Variants in SORCS1 observed in about 807,000 individuals in gnomAD.
The protein encoded by SORCS1 is sortilin related VPS10 domain containing receptor 1, also known as VPS10 domain-containing receptor SorCS1.
A neutral mutation model predicts 146.1 loss-of-function variants in SORCS1; 60 were observed. The ratio of observed to expected loss-of-function variants is 0.41; its 90% CI spans 0.33 to 0.51. The LOEUF (loss-of-function observed/expected upper bound fraction) is 0.51. Among genes scored for constraint, SORCS1 ranks in the 20% least tolerant of loss-of-function variants. The probability of loss-of-function intolerance (pLI) is 0.21; values close to 1 mark genes in which losing one functional copy is unlikely to be tolerated. For synonymous variants in SORCS1, 637 were observed against 584.0 expected (o/e 1.09, Z -1.31); for missense variants, 1,352 against 1,487.6 (o/e 0.91, Z 1.50).
At chr10:106,808,724 C>G (rs910074463) in intron 3 of SORCS1, among the ~76,000 whole-genome samples, 2 of 152,130 alleles carry the variant, frequency 1.3e-5, no homozygotes, top group East Asian at 1.9e-4. Context: ...GGATGTTCTC[C>G]ACCTCCTGAC....
chr10:106,979,914 A>G (rs780008589), intron 1 of SORCS1, among the ~76,000 whole-genome samples: 76 of 152,244 alleles, frequency 5.0e-4, no homozygotes, highest in Non-Finnish European at 9.3e-4. Context: ...TTACGATGAT[A>G]ATCAAGTGAA....
At chr10:106,638,332 T>A (rs1480556170) in intron 18 of SORCS1, among the ~76,000 whole-genome samples, 6 of 152,112 alleles carry the variant, frequency 3.9e-5, no homozygotes, top group African/African-American at 1.4e-4. Flanking sequence ...TAAATCTCTA[T>A]AGAACCAGGT....
chr10:107,163,522 AT>A lies in SORCS1; in HGVS notation c.558+446del, dbSNP rs143787676. On this transcript the variant is annotated intron_variant, in intron 1 of 25. Coordinates refer to ENST00000263054, the MANE Select transcript of SORCS1 (RefSeq NM_052918.5). ...CCGCATGAAATTAAAATAAAATAAA[AT>A]AAAACGCCTACATATATGGGTCTTC... is the stretch of plus-strand genomic sequence containing the variant. Among the ~76,000 whole-genome samples the A allele has an allele frequency of 6.3e-3, 957 of 152,320 alleles. 6 individuals carry two copies. Among genetic ancestry groups the A allele is most frequent in the African/African-American group, 0.017 (691 of 41,580 alleles).
chr10:106,821,670 C>T (rs12247648), intron 3 of SORCS1, among the ~76,000 whole-genome samples: 4,170 of 152,128 alleles, frequency 0.027, 135 homozygotes, highest in East Asian at 0.12. Flanking sequence ...GCCTGTAATC[C>T]CAGCACTTTG....
At chr10:106,826,392 G>A (rs899988345) in intron 3 of SORCS1, among the ~76,000 whole-genome samples, 1 of 152,246 alleles carries the variant, frequency 6.6e-6, no homozygotes, top group Non-Finnish European at 1.5e-5. Flanking sequence ...CTTTTCACTG[G>A]AGGATAGCTT....
intron 2 of SORCS1, among the ~76,000 whole-genome samples, chr10:106,849,838 C>T (rs1428611718): frequency 6.6e-6 from 1 of 151,890 alleles, no homozygotes; most frequent in African/African-American, 2.4e-5. Flanking sequence ...TGTTAGAATA[C>T]CCTGCCCTGT....
the SORCS1 span, among the ~76,000 whole-genome samples, chr10:107,172,908 A>G: frequency 6.6e-6 from 1 of 152,242 alleles, no homozygotes; most frequent in Admixed American, 6.5e-5. Context: ...GCCCGGTAAC[A>G]TTGACAATGT....
At chr10:106,697,496 T>G (rs1390301435) in intron 9 of SORCS1, among the ~76,000 whole-genome samples, 1 of 151,924 alleles carries the variant, frequency 6.6e-6, no homozygotes, top group African/African-American at 2.4e-5. Context: ...CTACTTGGTA[T>G]AAAGAATGTC....
intron 2 of SORCS1, among the ~76,000 whole-genome samples, chr10:106,914,756 G>A (rs539805939): frequency 6.6e-6 from 1 of 152,264 alleles, no homozygotes; most frequent in South Asian, 2.1e-4. Context: ...GGACTTATAC[G>A]AATGACTAGC....
Position 107,054,956 on chromosome 10 carries a change from T to C in SORCS1, c.559-98376A>G, listed in dbSNP as rs967010391. On this transcript the variant is annotated intron_variant, in intron 1 of 25. Coordinates refer to ENST00000263054, the MANE Select transcript of SORCS1 (RefSeq NM_052918.5). ...ATGCCTAATAAGTGTTGGCCACTCT[T>C]ATTAGAACTTAGAAGAGCCCATCAG... is the stretch of plus-strand genomic sequence containing the variant. Among the ~76,000 whole-genome samples the C allele has an allele frequency of 2.9e-4, 44 of 152,272 alleles. 2 individuals are homozygous for C. Among genetic ancestry groups the C allele is most frequent in the African/African-American group, 1.1e-3 (44 of 41,560 alleles).
chr10:106,699,401 A>G lies in SORCS1; in HGVS notation c.1234-8T>C, dbSNP rs1235753612. On this transcript the variant is annotated splice_region_variant and splice_polypyrimidine_tract_variant and intron_variant, in intron 8 of 25. Coordinates refer to ENST00000263054, the MANE Select transcript of SORCS1 (RefSeq NM_052918.5). ...GCTGATAACATGCATGTCCTGTGAAAAGACACAAGGTCGTGAAGAGGGAAA... is the reference window on the plus strand; with the variant it reads ...GCTGATAACATGCATGTCCTGTGAAGAGACACAAGGTCGTGAAGAGGGAAA... 1.9e-6 allele frequency: 3 copies of G among 1,605,178 alleles called. No individual in the cohort carries two copies. The East Asian group carries it at 6.7e-5, about 36-fold the overall frequency.
chr10:106,937,809 C>T (rs1274022083), intron 2 of SORCS1, among the ~76,000 whole-genome samples: 1 of 151,690 alleles, frequency 6.6e-6, no homozygotes. Context: ...ACTAAAAACA[C>T]AAAAATTAGC....
intron 14 of SORCS1, among the ~76,000 whole-genome samples, chr10:106,674,633 G>A (rs1457074463): frequency 1.3e-5 from 2 of 152,124 alleles, no homozygotes; most frequent in Non-Finnish European, 2.9e-5. Flanking sequence ...CTGTTCTCAT[G>A]ATTTTCCTAA....
chr10:106,598,495 T>C (rs1184327109), intron 23 of SORCS1, among the ~76,000 whole-genome samples: 1 of 151,736 alleles, frequency 6.6e-6, no homozygotes, highest in Admixed American at 6.6e-5. Context: ...CTCTTGACCT[T>C]GTGATCAGCC....
At chr10:106,628,845 G>A (rs548238012) in intron 19 of SORCS1, among the ~76,000 whole-genome samples, 1 of 152,298 alleles carries the variant, frequency 6.6e-6, no homozygotes, top group South Asian at 2.1e-4. Flanking sequence ...CATGTGGATT[G>A]TTTTCAACAA....
intron 2 of SORCS1, among the ~76,000 whole-genome samples, chr10:106,928,664 C>CTGT: frequency 6.6e-6 from 1 of 152,316 alleles, no homozygotes; most frequent in African/African-American, 2.4e-5. Flanking sequence ...TCTCAATACC[C>CTGT]CACAGAAGCA....
intron 2 of SORCS1, among the ~76,000 whole-genome samples, chr10:106,940,916 T>G (rs547863460): frequency 6.6e-6 from 1 of 152,276 alleles, no homozygotes; most frequent in Non-Finnish European, 1.5e-5. Flanking sequence ...TTATTCTCTG[T>G]GTGGATAGAG....
At chr10:106,964,436 T>C (rs564161868) in intron 1 of SORCS1, among the ~76,000 whole-genome samples, 7 of 152,180 alleles carry the variant, frequency 4.6e-5, no homozygotes, top group Admixed American at 2.0e-4. Context: ...CCTGGGTGGA[T>C]GGGACTACAG....
intron 1 of SORCS1, among the ~76,000 whole-genome samples, chr10:106,965,471 T>C (rs557880222): frequency 9.5e-4 from 144 of 152,248 alleles, no homozygotes; most frequent in African/African-American, 3.3e-3. Flanking sequence ...GAGTAGCAAA[T>C]ACTAGGGTGT....
Sources: gnomAD v4.1 joint callset for allele counts (sites outside exome capture counted in the v4.1 genomes callset) on GRCh38, gnomAD v4.1.1 for gene constraint, MANE v1.5 for transcripts, NCBI Gene and HGNC (gene_info 2026-07-23, HGNC 2026-07-21) for gene names.